Variants in CACNG5 observed in about 807,000 individuals in gnomAD.
CACNG5 encodes calcium voltage-gated channel auxiliary subunit gamma 5.
In CACNG5, 18 loss-of-function variants were observed where a neutral mutation model predicts 24.8. The ratio of observed to expected loss-of-function variants is 0.73; its 90% CI spans 0.50 to 1.08. The LOEUF is 1.08. CACNG5 is among the 50% of genes least tolerant of loss of function. The probability of loss-of-function intolerance (pLI) is 0.00; values close to 1 mark genes in which losing one functional copy is unlikely to be tolerated. For synonymous variants in CACNG5, 157 were observed against 149.1 expected, an observed-to-expected ratio of 1.05 and a Z score of -0.39; for missense variants, 349 against 367.9, an observed-to-expected ratio of 0.95 and a Z score of 0.42.
At chr17:66,857,246 A>G (rs1266904343) in intron 1 of CACNG5, among the ~76,000 whole-genome samples, 4 of 151,730 alleles carry the variant, frequency 2.6e-5, no homozygotes, top group Non-Finnish European at 4.4e-5. Flanking sequence ...AGGTTTCACT[A>G]TATTACCCAG....
intron 4 of CACNG5, 67 bp downstream of exon 4, chr17:66,880,764 CAG>C: frequency 1.9e-6 from 3 of 1,574,324 alleles, no homozygotes; most frequent in Admixed American, 1.7e-5. Flanking sequence ...GTTTTTGAGA[CAG>C]AGTCTTGCTC....
rs939880757 is a variant in CACNG5, at chr17:66,892,177, C to A, written c.*6937C>A. 2.6e-5 allele frequency among the ~76,000 whole-genome samples: 4 copies of A among 152,222 alleles called. No individual in the cohort carries two copies. The highest frequency in any genetic ancestry group is 9.6e-5 in the African/African-American group (4 of 41,454). On this transcript the variant is annotated 3_prime_UTR_variant, in exon 6 of 6. Transcript: ENST00000533854. ...GAGGTGGAAGCCCCAGGGACCTCCC[C>A]CCACTCCTCGCTCTGTCTCAGCCTG...
intron 1 of CACNG5, 27 bp from the exon 2 acceptor site, chr17:66,877,203 A>T: frequency 1.4e-6 from 1 of 709,574 alleles, no homozygotes; most frequent in Non-Finnish European, 2.3e-6. Context: ...GACTTTAGTT[A>T]CTGGCTCCTC....
At position 66,858,278 on chromosome 17, in the gene CACNG5, C is replaced by T. The variant is rs1017797394; in HGVS notation, c.-103-18952C>T. Among the ~76,000 whole-genome samples the T allele has an allele frequency of 3.3e-5, 5 of 152,200 alleles. No individual in the cohort carries two copies. The East Asian group carries it at 9.6e-4, about 29-fold the overall frequency. ...CAGTATTTTCCACCCTGGGCTCAGC[C>T]AGCCTGGTGGTCAACCTTGCCTCCT... On this transcript the variant is annotated intron_variant, in intron 1 of 5. Coordinates refer to ENST00000533854, the MANE Select transcript of CACNG5 (RefSeq NM_145811.3).
At chr17:66,853,514 C>T (rs527722879) in intron 1 of CACNG5, among the ~76,000 whole-genome samples, 1 of 152,240 alleles carries the variant, frequency 6.6e-6, no homozygotes, top group South Asian at 2.1e-4. Flanking sequence ...TTTAGTATGG[C>T]CAATCTTTTT....
intron 1 of CACNG5, among the ~76,000 whole-genome samples, chr17:66,849,657 C>A (rs1235993899): frequency 6.6e-6 from 1 of 152,210 alleles, no homozygotes; most frequent in Non-Finnish European, 1.5e-5. Flanking sequence ...GGGCAGGACA[C>A]CCCTCTCAGC....
intron 1 of CACNG5, among the ~76,000 whole-genome samples, chr17:66,842,634 G>A (rs761037974): frequency 6.6e-6 from 1 of 152,210 alleles, no homozygotes; most frequent in African/African-American, 2.4e-5. Flanking sequence ...GAGTTAAAGA[G>A]AGGCAGGACC....
At position 66,894,406 on chromosome 17, in the gene CACNG5, A is replaced by G. The variant is rs1214518863; in HGVS notation, c.*9166A>G. Among the ~76,000 whole-genome samples, 1 of 152,166 alleles carries G rather than the reference A, an allele frequency of 6.6e-6. No homozygotes were observed. Among genetic ancestry groups the G allele is most frequent in the Non-Finnish European group, 1.5e-5 (1 of 68,046 alleles). ...ATCCTATTAATAATAAATTAGTACTAATATATTATTTTGGTTATTGCTACT... is the reference window on the plus strand; with the variant it reads ...ATCCTATTAATAATAAATTAGTACTGATATATTATTTTGGTTATTGCTACT... On this transcript the variant is annotated 3_prime_UTR_variant, in exon 6 of 6. Transcript: ENST00000533854.
At chr17:66,859,121 G>C (rs1237935542) in intron 1 of CACNG5, among the ~76,000 whole-genome samples, 1 of 152,218 alleles carries the variant, frequency 6.6e-6, no homozygotes, top group East Asian at 1.9e-4. Context: ...GGCAGAGATG[G>C]GGAGGAGAAA....
chr17:66,884,550 CT>C lies in CACNG5; in HGVS notation c.460del (p.Ser154ProfsTer35). Reference sequence around the variant, plus strand: ...TCGTGGTGGGCCTGGTGCTCTACATCTCCAGCATCAACGATGAGATGCTCAA... The same window carrying C: ...TCGTGGTGGGCCTGGTGCTCTACATCCCAGCATCAACGATGAGATGCTCAA... ...SLVVGLVLYI[S>X]SINDEMLNRT... is the part of the protein sequence containing the mutation. On this transcript the variant is annotated frameshift_variant, in exon 5 of 6. Coordinates refer to ENST00000533854, the MANE Select transcript of CACNG5 (RefSeq NM_145811.3). LOFTEE classifies it high-confidence loss of function. 6.2e-7 allele frequency: 1 copy of C among 1,613,848 alleles called. No individual in the cohort carries two copies. The highest frequency in any genetic ancestry group is 8.5e-7 in the Non-Finnish European group (1 of 1,179,844).
intron 1 of CACNG5, among the ~76,000 whole-genome samples, chr17:66,875,146 A>G (rs1225717599): frequency 6.6e-6 from 1 of 152,128 alleles, no homozygotes; most frequent in Non-Finnish European, 1.5e-5. Context: ...CAAACTCTGC[A>G]AGCGGCAGCA....
intron 1 of CACNG5, among the ~76,000 whole-genome samples, chr17:66,839,856 G>T (rs1028997558): frequency 6.6e-6 from 1 of 152,266 alleles, no homozygotes; most frequent in Middle Eastern, 3.4e-3. Context: ...AAGTCCTGTC[G>T]GGTAAGTGTT....
At chr17:66,884,840 C>T (rs149268799) in intron 5 of CACNG5, 143 bp from the exon 6 acceptor site, 48 of 1,613,190 alleles carry the variant, frequency 3.0e-5, no homozygotes, top group Middle Eastern at 1.6e-4. Context: ...GGGTCTCCTC[C>T]GGCCAGGATG....
intron 1 of CACNG5, among the ~76,000 whole-genome samples, chr17:66,839,510 C>T (rs1976534376): frequency 6.6e-6 from 1 of 151,884 alleles, no homozygotes; most frequent in Admixed American, 6.6e-5. Context: ...TTAGAGAGCA[C>T]AGGTGAGGCA....
rs1468542445 is a variant in CACNG5, at chr17:66,835,215, T to C, written c.-139T>C. On this transcript the variant is annotated 5_prime_UTR_variant, in exon 1 of 6. Transcript: ENST00000533854. The stretch of plus-strand genomic sequence containing the variant: ...CGCGCGCCCAGCCGGCGAGGGACAT[T>C]GGACCAGGGTCGGGGGTCGCGGCCG... The C allele has an allele frequency of 6.6e-6, 1 of 152,246 alleles. No individual in the cohort carries two copies. Among genetic ancestry groups the C allele is most frequent in the South Asian group, 2.1e-4 (1 of 4,832 alleles). 9.4% of individuals were successfully genotyped at this position (152,246 alleles called of 1,614,324 possible). A position where few individuals can be genotyped will look rare whatever the true frequency, so the allele number is the denominator to read the frequency against.
Position 66,893,387 on chromosome 17 carries a change from C to T in CACNG5, c.*8147C>T, listed in dbSNP as rs1977370768. On this transcript the variant is annotated 3_prime_UTR_variant, in exon 6 of 6. Transcript: ENST00000533854. ...TCTCTCCCATCTCTACTCATGATGC[C>T]AACCAATGTTGGAAATGGCTCCAGG... Among the ~76,000 whole-genome samples, 1 of 152,188 alleles carries T rather than the reference C, an allele frequency of 6.6e-6. No homozygotes were observed. The highest frequency in any genetic ancestry group is 6.6e-5 in the Admixed American group (1 of 15,264).
Position 66,886,071 on chromosome 17 carries a change from G to T in CACNG5, c.*831G>T, listed in dbSNP as rs1977255484. Among the ~76,000 whole-genome samples the T allele has an allele frequency of 6.6e-6, 1 of 152,210 alleles. No individual in the cohort carries two copies. The highest frequency in any genetic ancestry group is 6.5e-5 in the Admixed American group (1 of 15,282). On this transcript the variant is annotated 3_prime_UTR_variant, in exon 6 of 6. Transcript: ENST00000533854. ...CAATGAGAATTTTAGAATCGGGCTG[G>T]TCTGAGTTCCTATTACCAGACACTG...
intron 1 of CACNG5, among the ~76,000 whole-genome samples, chr17:66,841,852 CTG>C (rs913532905): frequency 1.1e-4 from 17 of 152,218 alleles, no homozygotes; most frequent in Admixed American, 5.9e-4. Flanking sequence ...TGGAATTAAA[CTG>C]TCCCTCCCTT....
chr17:66,837,926 G>A lies in CACNG5; in HGVS notation c.-104+2676G>A, dbSNP rs1022968163. ...CAGAGAAAGTTGTGAATATCAAGTG[G>A]GAATTCTCGGTGTGAATACAGGGTG... On this transcript the variant is annotated intron_variant, in intron 1 of 5. Transcript: ENST00000533854. 2.3e-4 allele frequency among the ~76,000 whole-genome samples: 35 copies of A among 152,138 alleles called. 1 individual carries two copies. In the East Asian group the frequency reaches 2.7e-3, roughly 12 times the overall value.
Sources: allele counts gnomAD v4.1 joint callset (sites outside exome capture counted in the v4.1 genomes callset), GRCh38; gene constraint gnomAD v4.1.1; transcripts MANE v1.5; gene names NCBI Gene and HGNC (gene_info 2026-07-23, HGNC 2026-07-21).